The following MMP25 variants were observed in gnomAD, a reference collection of about 807,000 sequenced individuals.
MMP25 encodes matrix metallopeptidase 25.
MMP25 carries 68 observed loss-of-function variants against 62.1 expected under a neutral mutation model. The observed-to-expected ratio is 1.10, with a 90% confidence interval of 0.90 to 1.34. The LOEUF (loss-of-function observed/expected upper bound fraction) is 1.34, where lower values mean the gene tolerates loss of function less well. Ranked by LOEUF, MMP25 falls within the 40% of genes most tolerant of loss-of-function variation. The probability of loss-of-function intolerance (pLI) is 0.00; values close to 1 mark genes in which losing one functional copy is unlikely to be tolerated. For missense variants in MMP25, 942 were observed against 792.5 expected (o/e 1.19, Z -2.26); for synonymous variants, 407 against 345.6 (o/e 1.18, Z -1.97).
Position 3,046,748 on chromosome 16 carries a change from C to G in MMP25, c.-170C>G, listed in dbSNP as rs1434647541. The G allele has an allele frequency of 9.2e-6, 4 of 434,376 alleles. No individual in the cohort carries two copies. The highest frequency in any genetic ancestry group is 1.6e-5 in the Non-Finnish European group (4 of 247,634). The allele number at this position is 434,376 out of a possible 1,614,324, so 26.9% of individuals were successfully genotyped here. ...CCGGGACCCTCCGCTGACTCCACCG[C>G]GCACTTCCCGGGACCCCCACACACA... On this transcript the variant is annotated 5_prime_UTR_variant, in exon 1 of 10. Transcript: ENST00000336577.
chr16:3,057,877 A>C, intron 7 of MMP25: 1 of 581,664 alleles, frequency 1.7e-6, no homozygotes. Context: ...AATTTATTTT[A>C]TTATTTTGTA....
In MMP25 at chr16:3,047,483, G is replaced by A; in HGVS notation, c.168G>A (p.Glu56=). The change falls in exon 2 of 10, where the codon GAG becomes GAA. Residue 56 remains glutamate, a synonymous_variant. Transcript: ENST00000336577. ...CCCAGGCCCAGCTGCAGAGCCCTGA[G>A]AAGTTGCGCGATGCCATCAAAGTCA... ...HPAQAQLQSP[E]KLRDAIKVMQ... The A allele has an allele frequency of 6.2e-7, 1 of 1,613,912 alleles. No individual in the cohort carries two copies. Among genetic ancestry groups the A allele is most frequent in the Non-Finnish European group, 8.5e-7 (1 of 1,179,966 alleles).
chr16:3,051,704 G>A (rs1401624377), intron 4 of MMP25: 1 of 152,096 alleles, frequency 6.6e-6, no homozygotes, highest in Non-Finnish European at 1.5e-5. Context: ...CAACACCCAC[G>A]GTGACACAGC....
chr16:3,046,972 G>C lies in MMP25; in HGVS notation c.55G>C (p.Ala19Pro). The C allele has an allele frequency of 2.7e-6, 4 of 1,471,522 alleles. No homozygotes were observed. Among genetic ancestry groups the C allele is most frequent in the Non-Finnish European group, 3.6e-6 (4 of 1,119,310 alleles). The allele number at this position is 1,471,522 out of a possible 1,614,324, so 91.2% of individuals were successfully genotyped here. A position where few individuals can be genotyped will look rare whatever the true frequency, so the allele number is the denominator to read the frequency against. The change falls in exon 1 of 10, where the codon GCG (alanine) becomes CCG (proline). Residue 19 changes from alanine (A) to proline (P), a missense_variant. Physicochemically the swap from Ala to Pro is conservative, Grantham distance 27 (BLOSUM62 -1). Transcript: ENST00000336577. ...GCTGCTTCTGCTGCTGGCACCGCCC[G>C]CGCGCGCCCCGAAGCCCTCGGCGCA... ...ALLLLLLAPP[A>P]RAPKPSAQDV...
Position 3,049,990 on chromosome 16 carries a change from C to G in MMP25, c.233-19C>G, listed in dbSNP as rs769603192. ...CTCCTATTGTGGACACACCCCCCAC[C>G]GCCAAATGTCTCCCGCAGACCCAGG... is the stretch of plus-strand genomic sequence containing the variant. On this transcript the variant is annotated intron_variant, in intron 2 of 9. Coordinates refer to ENST00000336577, the MANE Select transcript of MMP25 (RefSeq NM_022468.5). 5 of 1,606,898 alleles carry G rather than the reference C, an allele frequency of 3.1e-6. No homozygotes were observed. In the Admixed American group the frequency reaches 6.7e-5, roughly 21 times the overall value.
chr16:3,056,965 C>T, intron 4 of MMP25, 68 bp from the exon 5 acceptor site: 1 of 1,493,956 alleles, frequency 6.7e-7, no homozygotes, highest in Non-Finnish European at 8.9e-7. Flanking sequence ...GCTGCACTCG[C>T]AGGGCCTTCC....
Position 3,058,321 on chromosome 16 carries a change from C to T in MMP25, c.1147C>T (p.Leu383Phe), listed in dbSNP as rs1317197379. The T allele has an allele frequency of 6.3e-7, 1 of 1,594,278 alleles. No individual in the cohort carries two copies. The highest frequency in any genetic ancestry group is 8.5e-7 in the Non-Finnish European group (1 of 1,172,272). Residue 383 changes from leucine to phenylalanine, a missense_variant, in exon 8 of 10, where the codon CTC becomes TTC. Coordinates refer to ENST00000336577, the MANE Select transcript of MMP25 (RefSeq NM_022468.5). The stretch of plus-strand genomic sequence containing the variant: ...TGCTCGGCACCGAGACGGCCGAATC[C>T]TCCTCTTTAGCGGTGAGTGGGGCCG... ...AYARHRDGRI[L>F]LFSGPQFWVF...
chr16:3,048,974 T>G (rs1228866547), intron 2 of MMP25, among the ~76,000 whole-genome samples: 3 of 151,884 alleles, frequency 2.0e-5, no homozygotes, highest in Non-Finnish European at 4.4e-5. Flanking sequence ...CCCAGCTAAT[T>G]TTTTTGTATG....
At chr16:3,050,682 T>C (rs1457988436) in intron 4 of MMP25, 136 bp downstream of exon 4, 19 of 875,622 alleles carry the variant, frequency 2.2e-5, no homozygotes, top group Admixed American at 3.6e-5. Context: ...GGTGCAATCA[T>C]AGCTAACTGC....
At position 3,060,124 on chromosome 16, in the gene MMP25, TG is replaced by T; in HGVS notation, c.*1031del. ...TCTAGAGTGAGGGGTGGGTGGAACC[TG>T]GGGGCACCTCGTTCACCCTGTCCCC... On this transcript the variant is annotated 3_prime_UTR_variant, in exon 10 of 10. Coordinates refer to ENST00000336577, the MANE Select transcript of MMP25 (RefSeq NM_022468.5). 6.6e-6 allele frequency: 1 copy of T among 152,456 alleles called. No individual in the cohort carries two copies. The highest frequency in any genetic ancestry group is 1.5e-5 in the Non-Finnish European group (1 of 68,228). The allele number at this position is 152,456 out of a possible 1,614,324, so 9.4% of individuals were successfully genotyped here.
chr16:3,050,496 C>T lies in MMP25; in HGVS notation c.611C>T (p.Ser204Phe), dbSNP rs1320610581. ...HAFFPGEHPI[S>F]GDTHFDDEET... Reference sequence around the variant, plus strand: ...TTCTTCCCTGGGGAGCACCCCATCTCCGGGGACACTCACTTTGACGATGAG... The same window carrying T: ...TTCTTCCCTGGGGAGCACCCCATCTTCGGGGACACTCACTTTGACGATGAG... The change falls in exon 4 of 10, where the codon TCC becomes TTC. Residue 204 changes from serine (S) to phenylalanine (F), a missense_variant. By Grantham distance (155) the Ser-to-Phe change is radical. Coordinates refer to ENST00000336577, the MANE Select transcript of MMP25 (RefSeq NM_022468.5). The T allele has an allele frequency of 1.9e-6, 3 of 1,596,012 alleles. No individual in the cohort carries two copies. The highest frequency in any genetic ancestry group is 2.6e-6 in the Non-Finnish European group (3 of 1,169,072).
At chr16:3,049,958 G>T (rs367823216) in intron 2 of MMP25, 51 bp from the exon 3 acceptor site, 19 of 1,600,870 alleles carry the variant, frequency 1.2e-5, no homozygotes, top group African/African-American at 4.0e-5. Flanking sequence ...TATGATTAAG[G>T]CAGGCTCTCC....
chr16:3,059,236 G>A lies in MMP25; in HGVS notation c.*138G>A, dbSNP rs1414185194. The A allele has an allele frequency of 1.3e-5, 14 of 1,071,934 alleles. No homozygotes were observed. The highest frequency in any genetic ancestry group is 1.8e-5 in the Non-Finnish European group (14 of 791,930). 66.4% of individuals were successfully genotyped at this position (1,071,934 alleles called of 1,614,324 possible). On this transcript the variant is annotated 3_prime_UTR_variant, in exon 10 of 10. Transcript: ENST00000336577. ...GGGGCTCGGGCGCGGACTAAGCAGG[G>A]GGGATCTCCCGCGCAGGGGCGGCGG...
rs1955829329 is a variant in MMP25 at position 3,046,945 on chromosome 16, CT to C, written c.29del (p.Leu10ArgfsTer20). MRLRLRLLALLLLLLAPPAR... is the reference protein window; with the variant it reads MRLRLRLLAXLLLLLAPPAR... ...GCGGCTGCGGCTCCGGCTTCTGGCG[CT>C]GCTGCTTCTGCTGCTGGCACCGCCC... On this transcript the variant is annotated frameshift_variant, in exon 1 of 10. Coordinates refer to ENST00000336577, the MANE Select transcript of MMP25 (RefSeq NM_022468.5). LOFTEE classifies it high-confidence loss of function. 1 of 1,469,386 alleles carries C rather than the reference CT, an allele frequency of 6.8e-7. No individual in the cohort carries two copies. The allele number at this position is 1,469,386 out of a possible 1,614,324, so 91.0% of individuals were successfully genotyped here.
At chr16:3,055,151 A>G (rs1955984278) in intron 4 of MMP25, 1 of 153,812 alleles carries the variant, frequency 6.5e-6, no homozygotes, top group African/African-American at 2.4e-5. Context: ...TGCCTGCCAA[A>G]GCCTGGAGCA....
intron 5 of MMP25, 39 bp from the exon 6 acceptor site, chr16:3,057,271 G>A: frequency 2.5e-6 from 4 of 1,613,712 alleles, no homozygotes; most frequent in African/African-American, 1.3e-5. Context: ...TCTGCAGCAG[G>A]GCCAGGGGAC....
Position 3,050,390 on chromosome 16 carries a change from G to C in MMP25, c.505G>C (p.Asp169His). The change falls in exon 4 of 10, where the codon GAC becomes CAC. Residue 169 changes from aspartate to histidine, a missense_variant. Coordinates refer to ENST00000336577, the MANE Select transcript of MMP25 (RefSeq NM_022468.5). ...GGATTCCCCCCAGGGCCAGGAGCCC[G>C]ACATCCTCATCGACTTTGCCCGCGC... ...EVDSPQGQEP[D>H]ILIDFARAFH... 6.2e-7 allele frequency: 1 copy of C among 1,614,004 alleles called. No individual in the cohort carries two copies. Among genetic ancestry groups the C allele is most frequent in the Non-Finnish European group, 8.5e-7 (1 of 1,179,996 alleles).
intron 1 of MMP25, 129 bp downstream of exon 1, chr16:3,047,145 T>G (rs1596490012): frequency 8.7e-7 from 1 of 1,145,182 alleles, no homozygotes; most frequent in Non-Finnish European, 1.2e-6. Context: ...GAGGATGGGG[T>G]CTGTGCTCCC....
chr16:3,050,417 T>G lies in MMP25; in HGVS notation c.532T>G (p.Phe178Val). Residue 178 changes from phenylalanine to valine, a missense_variant, in exon 4 of 10, where the codon TTC becomes GTC. By Grantham distance (50) the Phe-to-Val change is conservative (BLOSUM62 -1). Transcript: ENST00000336577. Reference sequence around the variant, plus strand: ...CATCCTCATCGACTTTGCCCGCGCCTTCCACCAGGACAGCTACCCCTTCGA... The same window carrying G: ...CATCCTCATCGACTTTGCCCGCGCCGTCCACCAGGACAGCTACCCCTTCGA... ...PDILIDFARA[F>V]HQDSYPFDGL... 6.2e-7 allele frequency: 1 copy of G among 1,613,980 alleles called. No individual in the cohort carries two copies. Among genetic ancestry groups the G allele is most frequent in the Non-Finnish European group, 8.5e-7 (1 of 1,179,998 alleles).
Sources: allele counts gnomAD v4.1 joint callset (sites outside exome capture counted in the v4.1 genomes callset), GRCh38; gene constraint gnomAD v4.1.1; transcripts MANE v1.5; gene names NCBI Gene and HGNC (gene_info 2026-07-23, HGNC 2026-07-21).